Variants in NKAIN2 observed in about 807,000 individuals in gnomAD.
NKAIN2 encodes the protein sodium/potassium-transporting ATPase subunit beta-1-interacting protein 2.
In NKAIN2, 14 loss-of-function variants were observed where a neutral mutation model predicts 32.6. That is an observed-to-expected ratio of 0.43 (90% CI 0.28 to 0.67). The LOEUF (loss-of-function observed/expected upper bound fraction) is 0.67, where lower values mean the gene tolerates loss of function less well. Among genes scored for constraint, NKAIN2 ranks in the 30% least tolerant of loss-of-function variants. NKAIN2 has a pLI of 0.17. For synonymous variants in NKAIN2, 80 were observed against 87.2 expected, an observed-to-expected ratio of 0.92 and a Z score of 0.46; for missense variants, 198 against 258.3, an observed-to-expected ratio of 0.77 and a Z score of 1.60.
At chr6:124,590,768 C>A (rs1232042866) in intron 3 of NKAIN2, among the ~76,000 whole-genome samples, 2 of 142,230 alleles carry the variant, frequency 1.4e-5, no homozygotes, top group Non-Finnish European at 1.6e-5. Flanking sequence ...AAAAACGGGA[C>A]CTTCTGTAAG....
Position 124,418,275 on chromosome 6 carries a change from A to G in NKAIN2, c.273+62928A>G, listed in dbSNP as rs557712185. ...AACAAACCAGTTTAAAGCCAGGCTAAGACAATATTTTATAAAGGAATGATT... is the reference window on the plus strand; with the variant it reads ...AACAAACCAGTTTAAAGCCAGGCTAGGACAATATTTTATAAAGGAATGATT... On this transcript the variant is annotated intron_variant, in intron 3 of 6. Transcript: ENST00000368417. Among the ~76,000 whole-genome samples the G allele has an allele frequency of 4.0e-4, 61 of 152,186 alleles. 1 individual carries two copies. The highest frequency in any genetic ancestry group is 6.6e-4 in the Admixed American group (10 of 15,258).
rs113211038 is a variant in NKAIN2, at chr6:124,060,446, G to A, written c.55-222559G>A. 9.0e-3 allele frequency among the ~76,000 whole-genome samples: 1,376 copies of A among 152,160 alleles called. 20 individuals carry two copies. The highest frequency in any genetic ancestry group is 0.032 in the African/African-American group (1,312 of 41,534). On this transcript the variant is annotated intron_variant, in intron 1 of 6. Transcript: ENST00000368417. ...AAGCTGCATAGAAAAGAGAGGAGAA[G>A]CATAAAAAAGCACAGGTTGGGGCAG... is the stretch of plus-strand genomic sequence containing the variant.
Position 124,310,009 on chromosome 6 carries a change from G to A in NKAIN2, c.192+26867G>A, listed in dbSNP as rs77027516. 1.5e-3 allele frequency among the ~76,000 whole-genome samples: 229 copies of A among 152,034 alleles called. 1 individual carries two copies. The highest frequency in any genetic ancestry group is 5.4e-3 in the African/African-American group (225 of 41,486). Reference sequence around the variant, plus strand: ...TAGTTCAGCTTATTTCCATACATAGGTCAGACTTGAAATACCTGTGTTTCA... The same window carrying A: ...TAGTTCAGCTTATTTCCATACATAGATCAGACTTGAAATACCTGTGTTTCA... On this transcript the variant is annotated intron_variant, in intron 2 of 6. Coordinates refer to ENST00000368417, the MANE Select transcript of NKAIN2 (RefSeq NM_001040214.3).
At chr6:124,673,731 G>GT (rs572343266) in intron 4 of NKAIN2, among the ~76,000 whole-genome samples, 21 of 148,564 alleles carry the variant, frequency 1.4e-4, no homozygotes, top group East Asian at 1.0e-3. Context: ...TTTTAATTGG[G>GT]TTTTTTTTTC....
chr6:124,650,105 C>T (rs1784315886), intron 3 of NKAIN2, among the ~76,000 whole-genome samples: 1 of 152,194 alleles, frequency 6.6e-6, no homozygotes, highest in South Asian at 2.1e-4. Flanking sequence ...GGGTTATTCC[C>T]TCTCACTACA....
chr6:124,243,986 T>TATGG (rs1350592342), intron 1 of NKAIN2, among the ~76,000 whole-genome samples: 1 of 152,098 alleles, frequency 6.6e-6, no homozygotes, highest in Non-Finnish European at 1.5e-5. Context: ...TTTTCATGGC[T>TATGG]ATGGAGGCAT....
intron 4 of NKAIN2, among the ~76,000 whole-genome samples, chr6:124,764,092 T>C (rs1263402863): frequency 3.3e-5 from 5 of 152,194 alleles, no homozygotes; most frequent in African/African-American, 4.8e-5. Context: ...TATGAACTTA[T>C]TCTGAGGAGT....
At chr6:123,881,781 TAA>T (rs1773466979) in intron 1 of NKAIN2, among the ~76,000 whole-genome samples, 1 of 152,212 alleles carries the variant, frequency 6.6e-6, no homozygotes, top group South Asian at 2.1e-4. Context: ...TTTCATTCTG[TAA>T]AGCACTATCA....
At chr6:124,281,913 C>T (rs774343073) in intron 1 of NKAIN2, among the ~76,000 whole-genome samples, 1 of 152,162 alleles carries the variant, frequency 6.6e-6, no homozygotes, top group Admixed American at 6.5e-5. Flanking sequence ...TTAAAATCAT[C>T]ATTTTCCTTG....
intron 1 of NKAIN2, among the ~76,000 whole-genome samples, chr6:123,971,788 T>C (rs987586061): frequency 6.6e-6 from 1 of 152,218 alleles, no homozygotes; most frequent in African/African-American, 2.4e-5. Flanking sequence ...ATTTGAAAGT[T>C]TGGCTCTTGT....
chr6:123,825,299 T>C (rs532698126), intron 1 of NKAIN2, among the ~76,000 whole-genome samples: 1 of 152,254 alleles, frequency 6.6e-6, no homozygotes, highest in South Asian at 2.1e-4. Context: ...TCATTAAGGG[T>C]AAACAAAAAA....
intron 1 of NKAIN2, among the ~76,000 whole-genome samples, chr6:123,889,116 T>C (rs1773870495): frequency 6.6e-6 from 1 of 152,140 alleles, no homozygotes; most frequent in Admixed American, 6.6e-5. Context: ...GCTTGACCTG[T>C]GTATCATAAA....
chr6:124,323,561 C>T (rs893887677), intron 2 of NKAIN2, among the ~76,000 whole-genome samples: 6 of 152,074 alleles, frequency 3.9e-5, no homozygotes, highest in African/African-American at 9.7e-5. Context: ...TCTTTCCCCC[C>T]ACTTAATCAC....
chr6:123,861,099 G>A (rs1177717309), intron 1 of NKAIN2, among the ~76,000 whole-genome samples: 2 of 152,154 alleles, frequency 1.3e-5, no homozygotes, highest in Admixed American at 1.3e-4. Flanking sequence ...GTCACCTCCT[G>A]TGCTATTAAA....
At chr6:124,260,400 A>T (rs1184977156) in intron 1 of NKAIN2, among the ~76,000 whole-genome samples, 1 of 152,224 alleles carries the variant, frequency 6.6e-6, no homozygotes, top group Non-Finnish European at 1.5e-5. Context: ...AATTTTAGAC[A>T]GAGTGACCAG....
intron 3 of NKAIN2, among the ~76,000 whole-genome samples, chr6:124,474,496 T>A (rs1030521156): frequency 6.6e-6 from 1 of 152,086 alleles, no homozygotes; most frequent in Non-Finnish European, 1.5e-5. Context: ...TACTGGTAGT[T>A]GTGCTCAGGA....
At chr6:124,581,824 A>G (rs1781536864) in intron 3 of NKAIN2, among the ~76,000 whole-genome samples, 1 of 152,226 alleles carries the variant, frequency 6.6e-6, no homozygotes. Context: ...CAACGGAAAC[A>G]CAACACACCA....
At chr6:124,102,971 C>G (rs1784960032) in intron 1 of NKAIN2, among the ~76,000 whole-genome samples, 1 of 152,046 alleles carries the variant, frequency 6.6e-6, no homozygotes, top group Non-Finnish European at 1.5e-5. Flanking sequence ...CTGTCATTGA[C>G]TGGAAACACG....
At position 124,667,022 on chromosome 6, in the gene NKAIN2, TA is replaced by T. The variant is rs543753453; in HGVS notation, c.474+8638del. On this transcript the variant is annotated intron_variant, in intron 4 of 6. Transcript: ENST00000368417. ...CCAACTCACAGTGACATACAAAAAT[TA>T]ACTAAATCCTACTAAATTTACTTAC... Among the ~76,000 whole-genome samples, 4 of 152,290 alleles carry T rather than the reference TA, an allele frequency of 2.6e-5. No individual in the cohort carries two copies. In the East Asian group the frequency reaches 7.7e-4, roughly 29 times the overall value.
Sources: gnomAD v4.1 joint callset for allele counts (sites outside exome capture counted in the v4.1 genomes callset) on GRCh38, gnomAD v4.1.1 for gene constraint, MANE v1.5 for transcripts, NCBI Gene and HGNC (gene_info 2026-07-23, HGNC 2026-07-21) for gene names.